The following DAB1 variants were observed in gnomAD, a reference collection of about 807,000 sequenced individuals.
The protein encoded by DAB1 is disabled homolog 1.
A neutral mutation model predicts 64.6 loss-of-function variants in DAB1; 15 were observed. That is an observed-to-expected ratio of 0.23 (90% CI 0.16 to 0.36). DAB1 has a LOEUF of 0.36. Ranked by LOEUF, DAB1 falls within the 10% of genes least tolerant of loss-of-function variation. The probability of loss-of-function intolerance (pLI) is 1.00; values close to 1 mark genes in which losing one functional copy is unlikely to be tolerated. For missense variants in DAB1, 596 were observed against 706.7 expected, an observed-to-expected ratio of 0.84 and a Z score of 1.78; for synonymous variants, 235 against 251.9, an observed-to-expected ratio of 0.93 and a Z score of 0.64.
downstream of DAB1, among the ~76,000 whole-genome samples, chr1:57,823,484 C>T (rs912621530): frequency 6.6e-6 from 1 of 151,830 alleles, no homozygotes; most frequent in Admixed American, 6.6e-5. Context: ...CTGGAGAAGA[C>T]GAAGCAGGTT....
chr1:57,091,398 G>A (rs1485404775), intron 4 of DAB1, among the ~76,000 whole-genome samples: 1 of 152,034 alleles, frequency 6.6e-6, no homozygotes, highest in East Asian at 1.9e-4. Context: ...CAACCACATC[G>A]TAGTTTTATT....
intron 1 of DAB1, among the ~76,000 whole-genome samples, chr1:57,414,810 T>C (rs572975815): frequency 6.6e-6 from 1 of 152,168 alleles, no homozygotes; most frequent in Non-Finnish European, 1.5e-5. Flanking sequence ...AAAGAGTGCA[T>C]GCCCTTTGAA....
intron 5 of DAB1, among the ~76,000 whole-genome samples, chr1:58,133,373 A>G (rs1291122237): frequency 6.6e-6 from 1 of 152,170 alleles, no homozygotes; most frequent in African/African-American, 2.4e-5. Context: ...CTCCCTAGCT[A>G]ATGCCTCATC....
At chr1:58,127,794 G>T (rs200645625) in intron 5 of DAB1, among the ~76,000 whole-genome samples, 30,147 of 150,852 alleles carry the variant, frequency 0.2, 3,185 homozygotes, top group East Asian at 0.36. Flanking sequence ...ATTTCTGAGG[G>T]CTCTGTTCTG....
chr1:57,493,077 C>T (rs1644184539), intron 7 of DAB1, among the ~76,000 whole-genome samples: 1 of 152,036 alleles, frequency 6.6e-6, no homozygotes, highest in Non-Finnish European at 1.5e-5. Context: ...CCCCCATGGG[C>T]TGTTAGTACA....
At chr1:57,174,374 T>C (rs1302150016) in intron 2 of DAB1, among the ~76,000 whole-genome samples, 5 of 152,176 alleles carry the variant, frequency 3.3e-5, no homozygotes, top group African/African-American at 1.2e-4. Flanking sequence ...TCAGAAGGAC[T>C]ACCAGGTGCT....
At chr1:58,539,740 C>G (rs1646574804) in intron 1 of DAB1, among the ~76,000 whole-genome samples, 2 of 152,166 alleles carry the variant, frequency 1.3e-5, no homozygotes, top group Non-Finnish European at 2.9e-5. Context: ...ACAGTGATCC[C>G]TAACAGATGG....
rs1311525895 is a variant in DAB1, at chr1:57,984,240, G to GAAAGAAAGAAAGAAAGAA, written n.388-100096_388-100079dup. On this transcript the variant is annotated intron_variant and non_coding_transcript_variant, in intron 5 of 20. Transcript: ENST00000485760. ...AGAAAGAAAGAAAGAAAGAAAGAAA[G>GAAAGAAAGAAAGAAAGAA]AAAGAAAGAAAGAAAGAAAGAAAAA... Among the ~76,000 whole-genome samples, 9 of 143,648 alleles carry GAAAGAAAGAAAGAAAGAA rather than the reference G, an allele frequency of 6.3e-5. 1 individual carries two copies. Among genetic ancestry groups the GAAAGAAAGAAAGAAAGAA allele is most frequent in the African/African-American group, 2.1e-4 (8 of 38,820 alleles). The allele number at this position is 143,648 out of a possible 152,430, so 94.2% of individuals were successfully genotyped here. A position where few individuals can be genotyped will look rare whatever the true frequency, so the allele number is the denominator to read the frequency against.
chr1:57,569,885 C>T (rs986340999), intron 7 of DAB1, among the ~76,000 whole-genome samples: 5 of 151,912 alleles, frequency 3.3e-5, no homozygotes, highest in Admixed American at 2.6e-4. Context: ...GTGCATTTCC[C>T]GTTGTACGAA....
intron 6 of DAB1, among the ~76,000 whole-genome samples, chr1:57,719,298 C>T (rs3118019): frequency 0.75 from 114,106 of 152,196 alleles, 43,914 homozygotes; most frequent in African/African-American, 0.93. Context: ...GGAGCCAGCA[C>T]GGCTGCTAAT....
At chr1:57,115,705 G>T (rs1006970004) in intron 4 of DAB1, among the ~76,000 whole-genome samples, 4 of 152,174 alleles carry the variant, frequency 2.6e-5, no homozygotes, top group African/African-American at 9.7e-5. Flanking sequence ...GTTGGGAAAG[G>T]CTCAGGAAGA....
At chr1:58,023,288 C>A (rs979005953) in intron 5 of DAB1, among the ~76,000 whole-genome samples, 10 of 152,108 alleles carry the variant, frequency 6.6e-5, no homozygotes, top group Non-Finnish European at 1.5e-4. Flanking sequence ...CAGCCCACAG[C>A]CAGAAACACA....
Position 57,793,780 on chromosome 1 carries a change from C to T in DAB1, n.551+90219G>A, listed in dbSNP as rs1374664236. Among the ~76,000 whole-genome samples, 3 of 152,160 alleles carry T rather than the reference C, an allele frequency of 2.0e-5. No homozygotes were observed. The East Asian group carries it at 5.8e-4, about 29-fold the overall frequency. The stretch of plus-strand genomic sequence containing the variant: ...CCTTCTAGGGTTGTTGTGATGATTA[C>T]ATGAGATAATTGTTGTAAATCACTA... On this transcript the variant is annotated intron_variant and non_coding_transcript_variant, in intron 6 of 20. Coordinates refer to the DAB1 transcript ENST00000485760.
intron 7 of DAB1, among the ~76,000 whole-genome samples, chr1:57,446,609 A>AG (rs1686151349): frequency 6.6e-6 from 1 of 152,076 alleles, no homozygotes; most frequent in African/African-American, 2.4e-5. Context: ...AAAAAAAAAA[A>AG]AAAAAAATTT....
At chr1:56,998,518 T>C (rs1418016580) in intron 14 of DAB1, among the ~76,000 whole-genome samples, 1 of 152,186 alleles carries the variant, frequency 6.6e-6, no homozygotes, top group Non-Finnish European at 1.5e-5. Flanking sequence ...ATTACACATA[T>C]AAAGTATCTA....
chr1:58,091,935 A>AACACACACAC (rs59390109), intron 5 of DAB1, among the ~76,000 whole-genome samples: 21,642 of 141,674 alleles, frequency 0.15, 1,705 homozygotes, highest in East Asian at 0.3. Flanking sequence ...AGCTGCATTA[A>AACACACACAC]ACACACACAC....
At chr1:58,324,383 G>A (rs568815043) in intron 4 of DAB1, among the ~76,000 whole-genome samples, 13 of 152,178 alleles carry the variant, frequency 8.5e-5, no homozygotes, top group Middle Eastern at 3.4e-3. Flanking sequence ...TCAGCTCTTC[G>A]AGTTTTTCTC....
chr1:57,857,725 A>G (rs924348187), intron 1 of DAB1, among the ~76,000 whole-genome samples: 8 of 152,094 alleles, frequency 5.3e-5, no homozygotes, highest in African/African-American at 1.4e-4. Flanking sequence ...ATCAGGTACT[A>G]TGTTAGAGGT....
intron 1 of DAB1, chr1:58,534,283 A>G (rs766146918): frequency 1.2e-6 from 1 of 869,032 alleles, no homozygotes; most frequent in South Asian, 1.3e-5. Context: ...ACAGCCAGGT[A>G]TCGGGCATCT....
Sources: allele counts gnomAD v4.1 joint callset (sites outside exome capture counted in the v4.1 genomes callset), GRCh38; gene constraint gnomAD v4.1.1; transcripts MANE v1.5; gene names NCBI Gene and HGNC (gene_info 2026-07-23, HGNC 2026-07-21).